Variants in GLRA3 observed in about 807,000 individuals in gnomAD.
GLRA3 encodes the protein glycine receptor alpha 3.
GLRA3 carries 44 observed loss-of-function variants against 60.4 expected under a neutral mutation model. The ratio of observed to expected loss-of-function variants is 0.73; its 90% confidence interval spans 0.57 to 0.94. The LOEUF (loss-of-function observed/expected upper bound fraction) is 0.94. GLRA3 is among the 40% of genes least tolerant of loss of function. The pLI, the probability that GLRA3 is intolerant of heterozygous loss-of-function variation, is 0.00. For missense variants in GLRA3, 508 were observed against 564.6 expected, an observed-to-expected ratio of 0.90 and a Z score of 1.02; for synonymous variants, 223 against 192.9, an observed-to-expected ratio of 1.16 and a Z score of -1.29.
chr4:174,740,900 A>G (rs1445061867), intron 3 of GLRA3, among the ~76,000 whole-genome samples: 1 of 152,116 alleles, frequency 6.6e-6, no homozygotes, highest in African/African-American at 2.4e-5. Flanking sequence ...GACTTAAGTT[A>G]TTGTGTGTAT....
intron 5 of GLRA3, among the ~76,000 whole-genome samples, chr4:174,686,545 T>C (rs576619622): frequency 1.5e-4 from 23 of 152,222 alleles, no homozygotes; most frequent in African/African-American, 4.3e-4. Flanking sequence ...TAGTTACTTA[T>C]TGAGTACCAA....
At chr4:174,723,407 ATTTT>A (rs1736202891) in intron 4 of GLRA3, among the ~76,000 whole-genome samples, 1 of 152,006 alleles carries the variant, frequency 6.6e-6, no homozygotes, top group South Asian at 2.1e-4. Flanking sequence ...TTTATATTCT[ATTTT>A]GTTCAATGAT....
chr4:174,712,214 C>T (rs577171130), intron 5 of GLRA3, among the ~76,000 whole-genome samples: 1 of 152,140 alleles, frequency 6.6e-6, no homozygotes, highest in Middle Eastern at 3.4e-3. Flanking sequence ...ACAAAGTAGT[C>T]TTTTCTAAGT....
chr4:174,697,265 C>T (rs965766299), intron 5 of GLRA3, among the ~76,000 whole-genome samples: 2 of 152,156 alleles, frequency 1.3e-5, no homozygotes, highest in Non-Finnish European at 2.9e-5. Context: ...GTCCAGCTAT[C>T]TCAAAAGTTA....
chr4:174,771,938 A>T (rs1380246340), intron 2 of GLRA3, among the ~76,000 whole-genome samples: 1 of 152,156 alleles, frequency 6.6e-6, no homozygotes, highest in Non-Finnish European at 1.5e-5. Flanking sequence ...AAGTTAGTGA[A>T]ATCTGTGCTG....
intron 2 of GLRA3, among the ~76,000 whole-genome samples, chr4:174,778,776 C>T (rs1038052241): frequency 1.3e-5 from 2 of 152,332 alleles, no homozygotes; most frequent in Non-Finnish European, 2.9e-5. Context: ...GCTTAAAAAA[C>T]GGCGCACCAC....
intron 5 of GLRA3, among the ~76,000 whole-genome samples, chr4:174,684,101 T>C (rs1340674999): frequency 6.6e-6 from 1 of 152,200 alleles, no homozygotes; most frequent in Non-Finnish European, 1.5e-5. Flanking sequence ...TTCTTTAGAA[T>C]TTCTTGAACA....
chr4:174,747,663 A>T (rs1217043222), intron 3 of GLRA3, among the ~76,000 whole-genome samples: 1 of 152,094 alleles, frequency 6.6e-6, no homozygotes, highest in Non-Finnish European at 1.5e-5. Context: ...TGCCTTTGTG[A>T]TTCATTAGAT....
intron 1 of GLRA3, among the ~76,000 whole-genome samples, chr4:174,794,208 C>A (rs1030159648): frequency 6.6e-6 from 1 of 152,050 alleles, no homozygotes; most frequent in African/African-American, 2.4e-5. Context: ...TGAAACCCAC[C>A]TATTATAATA....
chr4:174,818,188 G>A (rs76934263), intron 1 of GLRA3, among the ~76,000 whole-genome samples: 1 of 152,140 alleles, frequency 6.6e-6, no homozygotes, highest in Non-Finnish European at 1.5e-5. Context: ...TGAATGAGGA[G>A]AGGCAATAGA....
intron 1 of GLRA3, among the ~76,000 whole-genome samples, chr4:174,809,348 A>G (rs1172467984): frequency 1.3e-5 from 2 of 152,170 alleles, no homozygotes; most frequent in Non-Finnish European, 2.9e-5. Flanking sequence ...CAATAACTGT[A>G]TCACCTAACA....
chr4:174,669,365 C>A (rs931183334), intron 7 of GLRA3, among the ~76,000 whole-genome samples: 1 of 152,042 alleles, frequency 6.6e-6, no homozygotes, highest in South Asian at 2.1e-4. Flanking sequence ...AAGGAGGTAA[C>A]TCAAGGACTA....
chr4:174,794,071 T>C (rs1739467721), intron 1 of GLRA3, among the ~76,000 whole-genome samples: 1 of 152,308 alleles, frequency 6.6e-6, no homozygotes. Flanking sequence ...TGTCTTTTTC[T>C]AGTTTTCATT....
rs75252513 is a variant in GLRA3, at chr4:174,747,497, T to C, written c.268-18799A>G. On this transcript the variant is annotated intron_variant, in intron 3 of 9. Coordinates refer to ENST00000274093, the MANE Select transcript of GLRA3 (RefSeq NM_006529.4). ...GAGCAGAAAAATGACAAGATCTTATTTGAGTTTTAGAAAGATCCAGGGTAG... is the reference window on the plus strand; with the variant it reads ...GAGCAGAAAAATGACAAGATCTTATCTGAGTTTTAGAAAGATCCAGGGTAG... Among the ~76,000 whole-genome samples, 1,429 of 152,230 alleles carry C rather than the reference T, an allele frequency of 9.4e-3. 21 individuals are homozygous for C. The highest frequency in any genetic ancestry group is 0.032 in the African/African-American group (1,346 of 41,536).
At chr4:174,716,611 G>A (rs535776593) in intron 4 of GLRA3, among the ~76,000 whole-genome samples, 2 of 152,206 alleles carry the variant, frequency 1.3e-5, no homozygotes, top group South Asian at 4.1e-4. Context: ...CACCCTAGGT[G>A]GATTAGTTTA....
intron 2 of GLRA3, among the ~76,000 whole-genome samples, chr4:174,779,980 T>C (rs1285282712): frequency 1.4e-5 from 2 of 143,794 alleles, no homozygotes; most frequent in Admixed American, 1.4e-4. Context: ...AAGATACTCC[T>C]CGAGAAGAGC....
intron 5 of GLRA3, among the ~76,000 whole-genome samples, chr4:174,702,070 G>T (rs1228244626): frequency 6.6e-6 from 1 of 152,196 alleles, no homozygotes; most frequent in Non-Finnish European, 1.5e-5. Flanking sequence ...TTGGTAAAAT[G>T]CTATCAAACA....
At chr4:174,792,362 G>T (rs148957424) in intron 1 of GLRA3, among the ~76,000 whole-genome samples, 2 of 151,730 alleles carry the variant, frequency 1.3e-5, no homozygotes, top group African/African-American at 2.4e-5. Context: ...TTTTCTTCAC[G>T]TGTGTCTGTT....
intron 7 of GLRA3, among the ~76,000 whole-genome samples, chr4:174,673,670 A>T (rs1029054813): frequency 6.6e-6 from 1 of 152,130 alleles, no homozygotes; most frequent in Non-Finnish European, 1.5e-5. Context: ...CCACTAGAAA[A>T]ATCACCTCTA....
Sources: gnomAD v4.1 joint callset for allele counts (sites outside exome capture counted in the v4.1 genomes callset) on GRCh38, gnomAD v4.1.1 for gene constraint, MANE v1.5 for transcripts, NCBI Gene and HGNC (gene_info 2026-07-23, HGNC 2026-07-21) for gene names.